SH3RF3: variants seen among roughly 807,000 people sequenced by gnomAD.
The protein encoded by SH3RF3 is SH3 domain containing ring finger 3.
A neutral mutation model predicts 66.3 loss-of-function variants in SH3RF3; 29 were observed. That is an observed-to-expected ratio of 0.44 (90% CI 0.33 to 0.60). The LOEUF (loss-of-function observed/expected upper bound fraction) is 0.60. Among genes scored for constraint, SH3RF3 ranks in the 20% least tolerant of loss-of-function variants. The pLI is 0.04. For synonymous variants in SH3RF3, 583 were observed against 532.0 expected (o/e 1.10, Z -1.32); for missense variants, 1,194 against 1,190.9 (o/e 1.00, Z -0.04).
At chr2:109,359,537 T>C (rs1683013200) in intron 2 of SH3RF3, among the ~76,000 whole-genome samples, 1 of 152,258 alleles carries the variant, frequency 6.6e-6, no homozygotes, top group Non-Finnish European at 1.5e-5. Flanking sequence ...TATTTCATGA[T>C]ACCATTTACA....
intron 7 of SH3RF3, among the ~76,000 whole-genome samples, chr2:109,442,031 G>C (rs903643769): frequency 6.6e-6 from 1 of 152,146 alleles, no homozygotes; most frequent in Non-Finnish European, 1.5e-5. Context: ...CACACTATTG[G>C]CCAGGCACAG....
intron 8 of SH3RF3, among the ~76,000 whole-genome samples, chr2:109,467,348 G>A (rs1266745636): frequency 6.6e-6 from 1 of 152,264 alleles, no homozygotes; most frequent in Non-Finnish European, 1.5e-5. Flanking sequence ...TGGAAGGGAA[G>A]CGCAAAATCG....
intron 8 of SH3RF3, among the ~76,000 whole-genome samples, chr2:109,466,116 G>C (rs1469190757): frequency 8.6e-6 from 1 of 116,258 alleles, no homozygotes; most frequent in African/African-American, 3.3e-5. Flanking sequence ...GTCTCGCTCC[G>C]TCGCCCAGGC....
rs140803757 is a variant in SH3RF3 at position 109,164,261 on chromosome 2, C to T, written c.573+34148C>T. On this transcript the variant is annotated intron_variant, in intron 1 of 9. Coordinates refer to ENST00000309415, the MANE Select transcript of SH3RF3 (RefSeq NM_001099289.3). The stretch of plus-strand genomic sequence containing the variant: ...TAACATGACTGATCATAACTCACTG[C>T]GGCCTCGGCCTCCTGGGCTCAAGTG... 5.8e-4 allele frequency among the ~76,000 whole-genome samples: 89 copies of T among 152,250 alleles called. 1 individual carries two copies. In the East Asian group the frequency reaches 0.015, roughly 26 times the overall value.
chr2:109,300,004 T>C (rs1468481963), intron 1 of SH3RF3, among the ~76,000 whole-genome samples: 1 of 152,174 alleles, frequency 6.6e-6, no homozygotes, highest in African/African-American at 2.4e-5. Context: ...CTTCAAGAAT[T>C]TGGAAACTGG....
At chr2:109,318,823 G>A (rs1681949443) in intron 1 of SH3RF3, among the ~76,000 whole-genome samples, 1 of 152,238 alleles carries the variant, frequency 6.6e-6, no homozygotes. Flanking sequence ...CATCCACTCA[G>A]AGGCAGACAT....
At chr2:109,465,276 A>G (rs1288010039) in intron 8 of SH3RF3, among the ~76,000 whole-genome samples, 1 of 152,248 alleles carries the variant, frequency 6.6e-6, no homozygotes, top group Non-Finnish European at 1.5e-5. Context: ...TACAGCCGCT[A>G]TAAACATCTT....
chr2:109,210,986 C>T (rs999337993), intron 1 of SH3RF3, among the ~76,000 whole-genome samples: 4 of 152,184 alleles, frequency 2.6e-5, no homozygotes, highest in Non-Finnish European at 4.4e-5. Context: ...GGTGCACACC[C>T]GCTCTGCTCA....
At chr2:109,210,649 G>A (rs1449165580) in intron 1 of SH3RF3, among the ~76,000 whole-genome samples, 1 of 152,162 alleles carries the variant, frequency 6.6e-6, no homozygotes, top group Non-Finnish European at 1.5e-5. Flanking sequence ...AGTAAGGGGA[G>A]AGGTGGGGTC....
chr2:109,196,048 G>C (rs1421623528), intron 1 of SH3RF3, among the ~76,000 whole-genome samples: 1 of 152,250 alleles, frequency 6.6e-6, no homozygotes, highest in African/African-American at 2.4e-5. Context: ...TGGGAATCCA[G>C]GTGATGTCGA....
chr2:109,229,081 C>G (rs936133057), intron 1 of SH3RF3, among the ~76,000 whole-genome samples: 9 of 152,136 alleles, frequency 5.9e-5, no homozygotes, highest in African/African-American at 2.2e-4. Flanking sequence ...TGTTGGGAAC[C>G]TCAATCAAAG....
chr2:109,162,458 C>T (rs1677511439), intron 1 of SH3RF3, among the ~76,000 whole-genome samples: 1 of 152,124 alleles, frequency 6.6e-6, no homozygotes, highest in African/African-American at 2.4e-5. Context: ...TACATGTGCA[C>T]AACGTGCAGG....
intron 1 of SH3RF3, among the ~76,000 whole-genome samples, chr2:109,263,324 G>T (rs1680404965): frequency 6.6e-6 from 1 of 152,168 alleles, no homozygotes; most frequent in African/African-American, 2.4e-5. Context: ...TATAAGGTGG[G>T]TAGATCAACT....
intron 1 of SH3RF3, among the ~76,000 whole-genome samples, chr2:109,178,531 C>T (rs906662064): frequency 6.6e-6 from 1 of 152,146 alleles, no homozygotes; most frequent in Non-Finnish European, 1.5e-5. Context: ...CCCAACATTG[C>T]TATGTTTTAT....
rs919653339 is a variant in SH3RF3 at position 109,503,200 on chromosome 2, C to T, written c.*1529C>T. On this transcript the variant is annotated 3_prime_UTR_variant, in exon 10 of 10. Transcript: ENST00000309415. ...CACCTCAAAATTTTGATCCATCACC[C>T]CTCTCTCCACCTATATTTTTACAAA... is the stretch of plus-strand genomic sequence containing the variant. 2 of 152,164 alleles carry T rather than the reference C, an allele frequency of 1.3e-5. No homozygotes were observed. The highest frequency in any genetic ancestry group is 4.8e-5 in the African/African-American group (2 of 41,416). 9.4% of individuals were successfully genotyped at this position (152,164 alleles called of 1,614,324 possible). A position where few individuals can be genotyped will look rare whatever the true frequency, so the allele number is the denominator to read the frequency against.
chr2:109,347,648 G>A (rs1320483398), intron 1 of SH3RF3, 26 bp from the exon 2 acceptor site: 3 of 1,608,088 alleles, frequency 1.9e-6, no homozygotes, highest in Non-Finnish European at 2.6e-6. Flanking sequence ...CATGCCCGGT[G>A]ACCACATGCT....
At chr2:109,159,178 A>ACAGAG (rs1345991342) in intron 1 of SH3RF3, among the ~76,000 whole-genome samples, 1 of 152,192 alleles carries the variant, frequency 6.6e-6, no homozygotes, top group African/African-American at 2.4e-5. Flanking sequence ...GGACTCAGGT[A>ACAGAG]CAGAGCAGGG....
chr2:109,404,546 A>G (rs1437819325), intron 4 of SH3RF3, among the ~76,000 whole-genome samples: 1 of 152,100 alleles, frequency 6.6e-6, no homozygotes. Flanking sequence ...AGCACAGTCA[A>G]GGTCGCCAAG....
At chr2:109,489,394 G>A (rs1679068861) in intron 8 of SH3RF3, among the ~76,000 whole-genome samples, 4 of 152,368 alleles carry the variant, frequency 2.6e-5, no homozygotes, top group Admixed American at 2.6e-4. Context: ...GCTGGGGCCG[G>A]AGCAGTTGTG....
Sources: allele counts gnomAD v4.1 joint callset (sites outside exome capture counted in the v4.1 genomes callset), GRCh38; gene constraint gnomAD v4.1.1; transcripts MANE v1.5; gene names NCBI Gene and HGNC (gene_info 2026-07-23, HGNC 2026-07-21).